Variants in C16orf95 observed in about 807,000 individuals in gnomAD.
C16orf95 encodes uncharacterized protein C16orf95.
In C16orf95, 41 loss-of-function variants were observed where a neutral mutation model predicts 32.1. The observed-to-expected ratio is 1.28, with a 90% CI of 1.00 to 1.66. The LOEUF is 1.66. C16orf95 is among the 40% of genes most tolerant of loss of function. The pLI is 0.00. For missense variants in C16orf95, 399 were observed against 325.9 expected (o/e 1.22, Z -1.73); for synonymous variants, 147 against 128.9 (o/e 1.14, Z -0.95).
intron 5 of C16orf95, among the ~76,000 whole-genome samples, chr16:87,306,652 T>C (rs914769446): frequency 3.3e-5 from 5 of 152,210 alleles, no homozygotes; most frequent in African/African-American, 1.2e-4. Context: ...CCAGTCAGAT[T>C]TGCAGCCAAA....
intron 5 of C16orf95, among the ~76,000 whole-genome samples, chr16:87,306,685 T>A (rs975909286): frequency 6.6e-6 from 1 of 152,282 alleles, no homozygotes; most frequent in Admixed American, 6.5e-5. Context: ...CATTTTTAAA[T>A]CACTCCGTAC....
intron 4 of C16orf95, 24 bp from the exon 5 acceptor site, chr16:87,310,357 G>A (rs1480441868): frequency 3.9e-6 from 6 of 1,535,934 alleles, no homozygotes; most frequent in South Asian, 1.2e-5. Context: ...ATGGAGGCAA[G>A]CAGTCAGCCT....
chr16:87,310,757 G>GAGGGGCTGGGCCAGGGA (rs1302699601), intron 4 of C16orf95, among the ~76,000 whole-genome samples: 1 of 152,180 alleles, frequency 6.6e-6, no homozygotes, highest in Non-Finnish European at 1.5e-5. Flanking sequence ...AGAGTCAGAG[G>GAGGGGCTGGGCCAGGGA]AGGGGCTGGG....
chr16:87,316,536 G>A (rs1416753735), intron 1 of C16orf95, among the ~76,000 whole-genome samples: 2 of 152,160 alleles, frequency 1.3e-5, no homozygotes, highest in African/African-American at 4.8e-5. Context: ...AGAGTAATAG[G>A]TTCACGCATC....
At chr16:87,311,996 G>A (rs750756354) in intron 3 of C16orf95, among the ~76,000 whole-genome samples, 1 of 152,220 alleles carries the variant, frequency 6.6e-6, no homozygotes, top group Non-Finnish European at 1.5e-5. Flanking sequence ...ATGCAGCACC[G>A]TGAGTTCACT....
intron 3 of C16orf95, 133 bp from the exon 4 acceptor site, chr16:87,311,429 T>C (rs1911281348): frequency 2.3e-6 from 2 of 884,290 alleles, no homozygotes; most frequent in South Asian, 3.8e-5. Flanking sequence ...CCTGGAGAGC[T>C]GTTCCCACCC....
chr16:87,306,194 C>G, intron 5 of C16orf95: 1 of 263,352 alleles, frequency 3.8e-6, no homozygotes, highest in Non-Finnish European at 7.1e-6. Context: ...TTTCCAAATC[C>G]TCTTTTTTGG....
At chr16:87,312,484 G>A (rs912553931) in intron 3 of C16orf95, among the ~76,000 whole-genome samples, 5 of 147,066 alleles carry the variant, frequency 3.4e-5, no homozygotes, top group South Asian at 2.1e-4. Context: ...CAGGAGAATC[G>A]CTTGAACCTG....
In C16orf95 at chr16:87,305,797, G is replaced by C; in HGVS notation, c.623C>G (p.Pro208Arg). 2 of 1,516,740 alleles carry C rather than the reference G, an allele frequency of 1.3e-6. No homozygotes were observed. The highest frequency in any genetic ancestry group is 1.2e-5 in the South Asian group (1 of 82,352). 94.0% of individuals were successfully genotyped at this position (1,516,740 alleles called of 1,614,324 possible). Reference protein sequence around the residue: ...QLQAPYQDQLPAPAARLLPLG... With the variant: ...QLQAPYQDQLRAPAARLLPLG... ...GGGCAGCAGACGCGCTGCAGGAGCC[G>C]GTAGCTGGTCCTGGTAGGGGGCCTG... Residue 208 changes from proline (P) to arginine (R), a missense_variant, in exon 6 of 7, where the codon CCG (proline) becomes CGG (arginine). Coordinates refer to ENST00000567970, the MANE Select transcript of C16orf95 (RefSeq NM_001195124.3). The surrounding 1 kb of genome is among the most constrained non-coding windows in gnomAD (Gnocchi z 4.2).
In C16orf95 at chr16:87,302,978, C is replaced by G. The variant is rs897710884; in HGVS notation, c.*79G>C. 12 of 1,426,600 alleles carry G rather than the reference C, an allele frequency of 8.4e-6. No homozygotes were observed. The highest frequency in any genetic ancestry group is 1.1e-5 in the Non-Finnish European group (11 of 1,046,798). The allele number at this position is 1,426,600 out of a possible 1,614,324, so 88.4% of individuals were successfully genotyped here. The stretch of plus-strand genomic sequence containing the variant: ...AAGACAGCGACTGTCACAGACGCCT[C>G]CTGATTGGTGGACTCTCAAAGATCT... On this transcript the variant is annotated 3_prime_UTR_variant, in exon 7 of 7. Transcript: ENST00000567970.
chr16:87,313,911 G>A (rs1911392665), intron 3 of C16orf95, among the ~76,000 whole-genome samples: 3 of 152,040 alleles, frequency 2.0e-5, no homozygotes. Context: ...ACATGCAGAT[G>A]GCAAAAGCAC....
At position 87,311,199 on chromosome 16, in the gene C16orf95, T is replaced by C. The variant is rs779349462; in HGVS notation, c.428A>G (p.Gln143Arg). The C allele has an allele frequency of 6.5e-7, 1 of 1,535,784 alleles. No homozygotes were observed. The highest frequency in any genetic ancestry group is 1.2e-5 in the South Asian group (1 of 84,038). ...FGGRLPMPRDQAVMPYWVPQV... is the reference protein window; with the variant it reads ...FGGRLPMPRDRAVMPYWVPQV... ...GGGCACCCAGTAGGGCATCACTGCCTGGTCCCTAGGCATCGGGAGGCGGCC... is the reference window on the plus strand; with the variant it reads ...GGGCACCCAGTAGGGCATCACTGCCCGGTCCCTAGGCATCGGGAGGCGGCC... The change falls in exon 4 of 7, where the codon CAG becomes CGG. Residue 143 changes from glutamine to arginine, a missense_variant. Coordinates refer to ENST00000567970, the MANE Select transcript of C16orf95 (RefSeq NM_001195124.3).
intron 5 of C16orf95, among the ~76,000 whole-genome samples, chr16:87,310,088 A>G (rs1446260619): frequency 6.6e-6 from 1 of 152,202 alleles, no homozygotes; most frequent in Admixed American, 6.5e-5. Flanking sequence ...GTCTGCCTGT[A>G]GAGCAGAGGT....
intron 3 of C16orf95, among the ~76,000 whole-genome samples, chr16:87,313,891 A>T (rs1911391912): frequency 6.6e-6 from 1 of 152,226 alleles, no homozygotes; most frequent in Non-Finnish European, 1.5e-5. Flanking sequence ...CAGATGCCTC[A>T]TCGAGTAAGA....
intron 1 of C16orf95, 29 bp from the exon 2 acceptor site, chr16:87,315,852 G>T (rs1304373062): frequency 1.3e-6 from 2 of 1,514,322 alleles, no homozygotes; most frequent in Non-Finnish European, 1.8e-6. Flanking sequence ...AAAGCTTAGG[G>T]TTTGTGTAAA....
intron 6 of C16orf95, chr16:87,303,309 C>G (rs1910850593): frequency 1.9e-5 from 10 of 534,968 alleles, no homozygotes; most frequent in Non-Finnish European, 3.0e-5. Flanking sequence ...TGAGTGCCCA[C>G]TCCTTCTGAA....
chr16:87,306,362 T>A (rs951844772), intron 5 of C16orf95, among the ~76,000 whole-genome samples: 1 of 152,286 alleles, frequency 6.6e-6, no homozygotes, highest in African/African-American at 2.4e-5. Context: ...ACGGATGGAA[T>A]TCCAACGTTT....
chr16:87,310,265 G>A (rs1911220769), intron 5 of C16orf95, 32 bp downstream of exon 5: 2 of 1,534,960 alleles, frequency 1.3e-6, no homozygotes, highest in East Asian at 2.4e-5. Flanking sequence ...TGGGGAGGGG[G>A]ATGATATGAG....
At chr16:87,312,503 A>C (rs1355325393) in intron 3 of C16orf95, among the ~76,000 whole-genome samples, 1 of 141,156 alleles carries the variant, frequency 7.1e-6, no homozygotes, top group Non-Finnish European at 1.5e-5. Flanking sequence ...TGGGAGACGG[A>C]GTTTGCAGTG....
Sources: allele counts gnomAD v4.1 joint callset (sites outside exome capture counted in the v4.1 genomes callset), GRCh38; gene constraint gnomAD v4.1.1; non-coding constraint Gnocchi (gnomAD v3.1); transcripts MANE v1.5; gene names NCBI Gene and HGNC (gene_info 2026-07-23, HGNC 2026-07-21).